The following HYCC2 variants were observed in gnomAD, a reference collection of about 807,000 sequenced individuals.
The protein encoded by HYCC2 is hyccin PI4KA lipid kinase complex subunit 2.
At chr2:201,012,066 C>CCTT in the HYCC2 span, among the ~76,000 whole-genome samples, 1 of 151,998 alleles carries the variant, frequency 6.6e-6, no homozygotes, top group East Asian at 1.9e-4. Flanking sequence ...CATAGTTATC[C>CCTT]CTTTTTTTTT....
chr2:200,985,243 A>AT, the HYCC2 span, among the ~76,000 whole-genome samples: 34 of 151,808 alleles, frequency 2.2e-4, no homozygotes, highest in African/African-American at 7.5e-4. Flanking sequence ...GAATTTTTTT[A>AT]TTTTTTTTTA....
the HYCC2 span, among the ~76,000 whole-genome samples, chr2:201,019,844 C>A: frequency 1.3e-5 from 2 of 151,858 alleles, no homozygotes; most frequent in Non-Finnish European, 2.9e-5. Context: ...AATCCCAGCA[C>A]TTTGGGAAGC....
the HYCC2 span, among the ~76,000 whole-genome samples, chr2:200,992,627 T>G: frequency 6.6e-6 from 1 of 152,230 alleles, no homozygotes; most frequent in Admixed American, 6.5e-5. Flanking sequence ...AATGCGTTCA[T>G]GAAAACCTGG....
the HYCC2 span, among the ~76,000 whole-genome samples, chr2:201,031,885 T>G: frequency 6.6e-6 from 1 of 152,196 alleles, no homozygotes; most frequent in Non-Finnish European, 1.5e-5. Context: ...TTACATATAT[T>G]TGAAAATATT....
chr2:201,004,756 CT>C, the HYCC2 span, among the ~76,000 whole-genome samples: 2 of 152,194 alleles, frequency 1.3e-5, no homozygotes, highest in Non-Finnish European at 2.9e-5. Flanking sequence ...TGGCTCACGC[CT>C]GTAATCCCTC....
chr2:201,055,461 G>C, the HYCC2 span, among the ~76,000 whole-genome samples: 1 of 151,342 alleles, frequency 6.6e-6, no homozygotes, highest in East Asian at 1.9e-4. Flanking sequence ...CACTTTGGGA[G>C]GCCGAGGAAG....
At chr2:201,032,998 T>A in the HYCC2 span, among the ~76,000 whole-genome samples, 1 of 152,084 alleles carries the variant, frequency 6.6e-6, no homozygotes, top group African/African-American at 2.4e-5. Context: ...AAACAAGTCA[T>A]CTTTTAGCTA....
chr2:201,016,198 A>G, the HYCC2 span, among the ~76,000 whole-genome samples: 1 of 150,840 alleles, frequency 6.6e-6, no homozygotes, highest in Non-Finnish European at 1.5e-5. Context: ...TACATACTTT[A>G]TAAAATACAT....
At chr2:201,017,225 G>GTTTT in the HYCC2 span, 6 of 1,067,834 alleles carry the variant, frequency 5.6e-6, no homozygotes, top group African/African-American at 1.7e-5. Flanking sequence ...TGTAACTGTT[G>GTTTT]TTTTTTTTTT....
At chr2:201,009,004 G>A in the HYCC2 span, 111 of 1,612,820 alleles carry the variant, frequency 6.9e-5, no homozygotes, top group Non-Finnish European at 8.7e-5. Context: ...TCCCTCTGAG[G>A]ATGAAGATCA....
the HYCC2 span, chr2:201,063,338 G>A: frequency 5.7e-5 from 88 of 1,555,418 alleles, no homozygotes; most frequent in Non-Finnish European, 6.3e-5. Flanking sequence ...TGGAAGAGTC[G>A]TGGAACCAAA....
chr2:201,063,016 T>C, the HYCC2 span: 85 of 1,554,914 alleles, frequency 5.5e-5, no homozygotes, highest in Non-Finnish European at 7.3e-5. Flanking sequence ...AGTACTATAA[T>C]AAAAATCTTC....
At chr2:201,019,123 A>G in the HYCC2 span, among the ~76,000 whole-genome samples, 1 of 152,218 alleles carries the variant, frequency 6.6e-6, no homozygotes, top group Non-Finnish European at 1.5e-5. Context: ...CTTTAGAAGT[A>G]AAAAACTGTT....
At chr2:201,005,953 C>T in the HYCC2 span, among the ~76,000 whole-genome samples, 1 of 152,200 alleles carries the variant, frequency 6.6e-6, no homozygotes, top group Middle Eastern at 3.4e-3. Flanking sequence ...CCTGTCTCAG[C>T]CTCCTGAGTA....
the HYCC2 span, chr2:201,063,139 C>T: frequency 6.2e-7 from 1 of 1,610,568 alleles, no homozygotes; most frequent in Non-Finnish European, 8.5e-7. Flanking sequence ...GGAAGCTCTT[C>T]ATTGGAGGGT....
the HYCC2 span, chr2:200,973,951 A>G: frequency 6.6e-6 from 1 of 152,102 alleles, no homozygotes; most frequent in Non-Finnish European, 1.5e-5. Context: ...CAGTGACTAC[A>G]TTTCACATTT....
At chr2:200,995,511 G>A in the HYCC2 span, among the ~76,000 whole-genome samples, 1 of 152,218 alleles carries the variant, frequency 6.6e-6, no homozygotes. Context: ...AAGGTAACAG[G>A]TCTTGCTGGA....
At chr2:201,063,601 T>C in the HYCC2 span, 11 of 1,579,964 alleles carry the variant, frequency 7.0e-6, no homozygotes, top group African/African-American at 2.7e-5. Flanking sequence ...ACACTGTGAA[T>C]GGCCACAACT....
At chr2:200,981,319 T>A in the HYCC2 span, 1 of 1,614,070 alleles carries the variant, frequency 6.2e-7, no homozygotes, top group African/African-American at 1.3e-5. This position sits in a 1 kb window ranked among gnomAD's most constrained non-coding sequence, Gnocchi z 4.5. Context: ...TCGAGACTGC[T>A]TGGTCAAGGG....
Sources: gnomAD v4.1 joint callset for allele counts (sites outside exome capture counted in the v4.1 genomes callset) on GRCh38, gnomAD v4.1.1 for gene constraint, Gnocchi (gnomAD v3.1) non-coding constraint, MANE v1.5 for transcripts, NCBI Gene and HGNC (gene_info 2026-07-23, HGNC 2026-07-21) for gene names.